Variants in TMEM135 observed in about 807,000 individuals in gnomAD.
TMEM135 encodes transmembrane protein 135.
In TMEM135, 30 loss-of-function variants were observed where a neutral mutation model predicts 60.3. The ratio of observed to expected loss-of-function variants is 0.50; its 90% CI spans 0.37 to 0.68. The LOEUF (loss-of-function observed/expected upper bound fraction) is 0.68, where lower values mean the gene tolerates loss of function less well. TMEM135 is among the 30% of genes least tolerant of loss of function. The pLI is 0.00. For synonymous variants in TMEM135, 190 were observed against 186.7 expected (o/e 1.02, Z -0.14); for missense variants, 468 against 548.8 (o/e 0.85, Z 1.47).
intron 5 of TMEM135, among the ~76,000 whole-genome samples, chr11:87,165,811 T>C: frequency 6.7e-6 from 1 of 149,254 alleles, no homozygotes; most frequent in East Asian, 2.0e-4. Flanking sequence ...AGCTGTTTTT[T>C]TGAAAGGATC....
intron 3 of TMEM135, among the ~76,000 whole-genome samples, chr11:87,081,929 C>G (rs1389646979): frequency 6.6e-6 from 1 of 152,096 alleles, no homozygotes; most frequent in Non-Finnish European, 1.5e-5. Flanking sequence ...TTCCCTTGAT[C>G]TCATTGTTAC....
intron 5 of TMEM135, among the ~76,000 whole-genome samples, chr11:87,180,227 G>T (rs580005): frequency 0.13 from 19,776 of 152,046 alleles, 1,343 homozygotes; most frequent in Non-Finnish European, 0.15. Context: ...AGTGGTGGTG[G>T]CAATGGCAAC....
chr11:87,309,880 G>A (rs1942612116), intron 10 of TMEM135, among the ~76,000 whole-genome samples: 1 of 152,082 alleles, frequency 6.6e-6, no homozygotes, highest in African/African-American at 2.4e-5. Context: ...ACTCGAGTGT[G>A]TAGACATGTT....
In TMEM135 at chr11:87,326,911, C is replaced by CTTT. The variant is rs11332885; in HGVS notation, c.*5595_*5597dup. 6,782 of 390,768 alleles carry CTTT rather than the reference C, an allele frequency of 0.017. 34 individuals are homozygous for CTTT. The highest frequency in any genetic ancestry group is 0.022 in the Admixed American group (646 of 29,762). The allele number at this position is 390,768 out of a possible 1,614,324, so 24.2% of individuals were successfully genotyped here. ...AGGCATCATTGAATCATCTGAGGAC[C>CTTT]TTTTTTTTTTTTTTTTTTTCACTAA... On this transcript the variant is annotated 3_prime_UTR_variant, in exon 15 of 15. Coordinates refer to ENST00000305494, the MANE Select transcript of TMEM135 (RefSeq NM_022918.4).
intron 3 of TMEM135, among the ~76,000 whole-genome samples, chr11:87,073,576 A>G (rs1205858512): frequency 2.0e-5 from 3 of 152,212 alleles, no homozygotes; most frequent in South Asian, 2.1e-4. Context: ...GAGCTGTGCT[A>G]TCTGTCTTAG....
rs190725403 is a variant in TMEM135 at position 87,189,055 on chromosome 11, A to G, written c.462+31649A>G. Among the ~76,000 whole-genome samples, 452 of 148,302 alleles carry G rather than the reference A, an allele frequency of 3.0e-3. 2 individuals carry two copies. Among genetic ancestry groups the G allele is most frequent in the African/African-American group, 0.01 (411 of 40,490 alleles). The stretch of plus-strand genomic sequence containing the variant: ...CATGTCTGTAATAATGCTATTCCTT[A>G]CTTTTCCTTTTTTCTTTCCTTTCCT... On this transcript the variant is annotated intron_variant, in intron 5 of 14. Transcript: ENST00000305494.
In TMEM135 at chr11:87,038,170, A is replaced by G. The variant is rs754049323; in HGVS notation, c.125A>G (p.Tyr42Cys). ...GGALEESLKIYAPLYLIAAIL... is the reference protein window; with the variant it reads ...GGALEESLKICAPLYLIAAIL... ...GCCCTGGAGGAGTCCCTGAAGATCT[A>G]TGCTCCTCTGTACTTGGTGAGACCC... The change falls in exon 1 of 15, where the codon TAT (tyrosine) becomes TGT (cysteine). Residue 42 changes from tyrosine (Y) to cysteine (C), a missense_variant. Physicochemically the swap from Tyr to Cys is radical, Grantham distance 194 (BLOSUM62 -2). Coordinates refer to ENST00000305494, the MANE Select transcript of TMEM135 (RefSeq NM_022918.4). 5 of 1,613,864 alleles carry G rather than the reference A, an allele frequency of 3.1e-6. No homozygotes were observed. Among genetic ancestry groups the G allele is most frequent in the Non-Finnish European group, 3.4e-6 (4 of 1,179,922 alleles).
At chr11:87,101,089 A>T (rs1857447828) in intron 4 of TMEM135, among the ~76,000 whole-genome samples, 1 of 152,186 alleles carries the variant, frequency 6.6e-6, no homozygotes, top group Non-Finnish European at 1.5e-5. Context: ...AGTTTTCTAG[A>T]TTTTAAATGT....
intron 3 of TMEM135, among the ~76,000 whole-genome samples, chr11:87,072,142 C>T (rs921866953): frequency 2.0e-5 from 3 of 152,098 alleles, no homozygotes; most frequent in South Asian, 2.1e-4. Flanking sequence ...TACAGTGAGC[C>T]GTGATCATGC....
chr11:87,261,574 T>G (rs147843288), intron 6 of TMEM135, among the ~76,000 whole-genome samples: 2 of 152,222 alleles, frequency 1.3e-5, no homozygotes, highest in Non-Finnish European at 2.9e-5. Flanking sequence ...TATACCTCCC[T>G]CTTTGTACTT....
intron 5 of TMEM135, among the ~76,000 whole-genome samples, chr11:87,206,511 A>G (rs556658217): frequency 6.6e-6 from 1 of 152,182 alleles, no homozygotes; most frequent in African/African-American, 2.4e-5. Context: ...ATTGAAAAAA[A>G]CAGTATAAAA....
intron 6 of TMEM135, among the ~76,000 whole-genome samples, chr11:87,291,464 C>A (rs2135430000): frequency 6.7e-6 from 1 of 148,874 alleles, no homozygotes. Flanking sequence ...TCCTAACTTG[C>A]TTCCTTGCTT....
At chr11:87,166,437 G>A (rs1939049642) in intron 5 of TMEM135, among the ~76,000 whole-genome samples, 1 of 151,566 alleles carries the variant, frequency 6.6e-6, no homozygotes, top group Non-Finnish European at 1.5e-5. Context: ...TATGGTTTTA[G>A]GTCTTACGTT....
chr11:87,286,386 C>T (rs1256421467), intron 6 of TMEM135, among the ~76,000 whole-genome samples: 1 of 152,190 alleles, frequency 6.6e-6, no homozygotes, highest in Non-Finnish European at 1.5e-5. Context: ...CTGATTGGTG[C>T]ATATACAATC....
At chr11:87,270,383 C>A (rs1323048748) in intron 6 of TMEM135, among the ~76,000 whole-genome samples, 4 of 151,952 alleles carry the variant, frequency 2.6e-5, no homozygotes, top group Non-Finnish European at 5.9e-5. Flanking sequence ...GCTTTTGTTG[C>A]CATTGCTTTT....
chr11:87,261,354 A>G (rs192892890), intron 6 of TMEM135, among the ~76,000 whole-genome samples: 1 of 152,330 alleles, frequency 6.6e-6, no homozygotes, highest in East Asian at 1.9e-4. Flanking sequence ...GTTAGAAATC[A>G]TGAGTCTGTT....
chr11:87,170,110 C>G lies in TMEM135; in HGVS notation c.462+12704C>G, dbSNP rs148100651. ...ATATGTGTTTATGCTTCACAAAGTT[C>G]TCATGCTGTGTTTTTCAGCTCCATC... On this transcript the variant is annotated intron_variant, in intron 5 of 14. Transcript: ENST00000305494. 3.4e-4 allele frequency among the ~76,000 whole-genome samples: 51 copies of G among 152,028 alleles called. No homozygotes were observed. The East Asian group carries it at 9.7e-3, about 29-fold the overall frequency.
At position 87,325,134 on chromosome 11, in the gene TMEM135, A is replaced by T; in HGVS notation, c.*3801A>T. 2.2e-6 allele frequency: 1 copy of T among 451,668 alleles called. No individual in the cohort carries two copies. Among genetic ancestry groups the T allele is most frequent in the Non-Finnish European group, 4.4e-6 (1 of 226,732 alleles). The allele number at this position is 451,668 out of a possible 1,614,324, so 28.0% of individuals were successfully genotyped here. ...AGTGTCAAGGACTGAGATGACCCTC[A>T]GATTGGGGGGCTGTCTTAGATTCTA... is the stretch of plus-strand genomic sequence containing the variant. On this transcript the variant is annotated 3_prime_UTR_variant, in exon 15 of 15. Transcript: ENST00000305494.
chr11:87,075,229 G>C (rs1445117340), intron 3 of TMEM135, among the ~76,000 whole-genome samples: 1 of 151,664 alleles, frequency 6.6e-6, no homozygotes, highest in Non-Finnish European at 1.5e-5. Flanking sequence ...CGCCATCTCT[G>C]TTCACTGCAA....
Sources: allele counts gnomAD v4.1 joint callset (sites outside exome capture counted in the v4.1 genomes callset), GRCh38; gene constraint gnomAD v4.1.1; transcripts MANE v1.5; gene names NCBI Gene and HGNC (gene_info 2026-07-23, HGNC 2026-07-21).